The following GPC3 variants were observed in gnomAD, a reference collection of about 807,000 sequenced individuals.
GPC3 encodes glypican-3.
Under a neutral mutation model 34.4 loss-of-function variants are expected in GPC3, and 3 were observed. The observed-to-expected ratio is 0.09, with a 90% CI of 0.04 to 0.23. The LOEUF (loss-of-function observed/expected upper bound fraction) is 0.23. GPC3 is among the 10% of genes least tolerant of loss of function. The pLI is 1.00. For missense variants in GPC3, 351 were observed against 445.6 expected (o/e 0.79, Z 1.91); for synonymous variants, 177 against 174.0 (o/e 1.02, Z -0.13).
chrX:133,915,745 T>C (rs940056729), intron 2 of GPC3, among the ~76,000 whole-genome samples: 5 of 112,212 alleles, frequency 4.5e-5, no homozygotes, highest in Non-Finnish European at 9.4e-5. Context: ...CATAGCTACC[T>C]AATAATGAAA....
intron 2 of GPC3, among the ~76,000 whole-genome samples, chrX:133,912,052 G>C (rs746000437): frequency 8.9e-6 from 1 of 112,470 alleles, no homozygotes; most frequent in East Asian, 2.8e-4. Context: ...ACATTGGTAT[G>C]TCCAGATCAG....
At chrX:133,569,433 A>G (rs1390960691) in intron 7 of GPC3, among the ~76,000 whole-genome samples, 1 of 111,237 alleles carries the variant, frequency 9.0e-6, no homozygotes, top group Non-Finnish European at 1.9e-5. Context: ...TGATTTGGAA[A>G]CCATGGTCCC....
intron 4 of GPC3, among the ~76,000 whole-genome samples, chrX:133,695,103 T>A (rs892855572): frequency 1.8e-5 from 2 of 111,542 alleles, no homozygotes; most frequent in Non-Finnish European, 3.8e-5. Flanking sequence ...ATGGCAGAAG[T>A]GGAAGCAAAC....
chrX:133,544,314 G>A lies in GPC3; in HGVS notation c.1574-8021C>T, dbSNP rs181806933. On this transcript the variant is annotated intron_variant, in intron 7 of 7. Coordinates refer to ENST00000370818, the MANE Select transcript of GPC3 (RefSeq NM_004484.4). ...TGTCAACTACCACGCTGGACCTTCTGACTCACAAATTCCTGATGAGTGACT... is the reference window on the plus strand; with the variant it reads ...TGTCAACTACCACGCTGGACCTTCTAACTCACAAATTCCTGATGAGTGACT... 8.9e-5 allele frequency among the ~76,000 whole-genome samples: 10 copies of A among 111,732 alleles called. No homozygotes were observed. The South Asian group carries it at 3.0e-3, about 34-fold the overall frequency.
chrX:133,708,120 C>T (rs753656624), intron 3 of GPC3, among the ~76,000 whole-genome samples: 1 of 111,656 alleles, frequency 9.0e-6, no homozygotes, highest in East Asian at 2.8e-4. Flanking sequence ...TGGTGGTTTA[C>T]CAGTACTTTT....
Position 133,696,795 on chromosome X carries a change from C to T in GPC3, c.1166+3100G>A, listed in dbSNP as rs376280293. Among the ~76,000 whole-genome samples the T allele has an allele frequency of 2.7e-4, 30 of 112,726 alleles. No homozygotes were observed. The East Asian group carries it at 6.7e-3, about 25-fold the overall frequency. ...ATTGTAATTCCACTTTATTCTAATACATAAATGTCAAACATAGCATTGACA... is the reference window on the plus strand; with the variant it reads ...ATTGTAATTCCACTTTATTCTAATATATAAATGTCAAACATAGCATTGACA... On this transcript the variant is annotated intron_variant, in intron 4 of 7. Coordinates refer to ENST00000370818, the MANE Select transcript of GPC3 (RefSeq NM_004484.4).
chrX:133,689,909 C>A (rs1192076799), intron 5 of GPC3, among the ~76,000 whole-genome samples: 2 of 111,835 alleles, frequency 1.8e-5, no homozygotes, highest in Non-Finnish European at 3.8e-5. Flanking sequence ...ACATATTTGA[C>A]CTGTGGATAT....
intron 7 of GPC3, among the ~76,000 whole-genome samples, chrX:133,595,945 T>C (rs1366178002): frequency 8.9e-6 from 1 of 112,121 alleles, no homozygotes; most frequent in Non-Finnish European, 1.9e-5. Flanking sequence ...TTGAAAGTTA[T>C]CTCACCAGTG....
At chrX:133,568,644 A>G (rs1415581863) in intron 7 of GPC3, among the ~76,000 whole-genome samples, 2 of 111,441 alleles carry the variant, frequency 1.8e-5, no homozygotes, top group African/African-American at 6.5e-5. Context: ...TGGATTAGGT[A>G]GGAGTGTTTT....
chrX:133,778,081 A>T (rs1022966509), intron 2 of GPC3, among the ~76,000 whole-genome samples: 2 of 112,535 alleles, frequency 1.8e-5, no homozygotes, highest in African/African-American at 6.5e-5. Context: ...TGCTTTAAAA[A>T]GGGTTGCACA....
intron 6 of GPC3, among the ~76,000 whole-genome samples, chrX:133,616,307 G>A (rs1056986211): frequency 2.7e-5 from 3 of 111,597 alleles, no homozygotes; most frequent in Admixed American, 9.5e-5. Flanking sequence ...AACACTTAGA[G>A]CCTAACAAAA....
chrX:133,890,674 A>G (rs1297937339), intron 2 of GPC3, among the ~76,000 whole-genome samples: 1 of 110,076 alleles, frequency 9.1e-6, no homozygotes, highest in African/African-American at 3.3e-5. Context: ...ACTGCCCAAA[A>G]TGGTGACACC....
At chrX:133,939,339 T>C (rs903649885) in intron 2 of GPC3, among the ~76,000 whole-genome samples, 1 of 112,344 alleles carries the variant, frequency 8.9e-6, no homozygotes, top group Admixed American at 9.5e-5. Flanking sequence ...ATATAAATCA[T>C]AGTTGATTAT....
chrX:133,851,712 A>T (rs2075874434), intron 2 of GPC3, among the ~76,000 whole-genome samples: 1 of 111,994 alleles, frequency 8.9e-6, no homozygotes, highest in Non-Finnish European at 1.9e-5. Flanking sequence ...TGATGAAATC[A>T]GCTATACATT....
intron 6 of GPC3, among the ~76,000 whole-genome samples, chrX:133,616,779 G>A (rs987178974): frequency 1.9e-5 from 2 of 105,724 alleles, no homozygotes; most frequent in Non-Finnish European, 3.9e-5. Context: ...CTCACTGCAA[G>A]CTCTGTCTCC....
chrX:133,848,017 G>C (rs896680484), intron 2 of GPC3, among the ~76,000 whole-genome samples: 11 of 112,348 alleles, frequency 9.8e-5, no homozygotes, highest in African/African-American at 3.2e-4. Context: ...TGAAGGAAGA[G>C]AGAAGGGATG....
intron 2 of GPC3, among the ~76,000 whole-genome samples, chrX:133,772,737 T>G (rs1454233041): frequency 9.0e-6 from 1 of 111,637 alleles, no homozygotes; most frequent in Non-Finnish European, 1.9e-5. Context: ...CATAGCACAT[T>G]CGTTTGGACC....
intron 2 of GPC3, among the ~76,000 whole-genome samples, chrX:133,865,112 T>C (rs904693090): frequency 3.6e-5 from 4 of 112,141 alleles, no homozygotes; most frequent in Non-Finnish European, 7.5e-5. Flanking sequence ...GCAATTACAG[T>C]TATCTGTGGG....
At chrX:133,869,088 T>C (rs941555872) in intron 2 of GPC3, among the ~76,000 whole-genome samples, 1 of 111,981 alleles carries the variant, frequency 8.9e-6, no homozygotes, top group African/African-American at 3.3e-5. Context: ...TGAGCTCAAG[T>C]CTTCCTCCAG....
Sources: allele counts gnomAD v4.1 joint callset (sites outside exome capture counted in the v4.1 genomes callset), GRCh38; gene constraint gnomAD v4.1.1; transcripts MANE v1.5; gene names NCBI Gene and HGNC (gene_info 2026-07-23, HGNC 2026-07-21).